The following MRPS22 variants were observed in gnomAD, a reference collection of about 807,000 sequenced individuals.
The protein encoded by MRPS22 is mitochondrial ribosomal protein S22.
Under a neutral mutation model 44.0 loss-of-function variants are expected in MRPS22, and 30 were observed. The ratio of observed to expected loss-of-function variants is 0.68; its 90% CI spans 0.51 to 0.93. MRPS22 has a LOEUF of 0.93. Ranked by LOEUF, MRPS22 falls within the 40% of genes least tolerant of loss-of-function variation. The pLI is 0.00. For synonymous variants in MRPS22, 165 were observed against 154.4 expected (o/e 1.07, Z -0.51); for missense variants, 447 against 447.8 (o/e 1.00, Z 0.02).
At chr3:139,346,218 T>C (rs1286579736) in intron 1 of MRPS22, among the ~76,000 whole-genome samples, 1 of 152,174 alleles carries the variant, frequency 6.6e-6, no homozygotes, top group Non-Finnish European at 1.5e-5. Flanking sequence ...CTCCCTTTTT[T>C]CTCTGCCGTG....
rs1217488014 is a variant in MRPS22, at chr3:139,356,940, C to T, written c.1009C>T (p.Gln337Ter). Residue 337 changes from glutamine (Q) to a stop codon, truncating the protein, a stop_gained, in exon 8 of 8, where the codon CAG becomes TAG. Transcript: ENST00000680020. LOFTEE classifies it high-confidence loss of function. ...LIKVFAKTEA[Q>*]KGAYIELTLQ... Reference sequence around the variant, plus strand: ...ACAGGTCTTTGCAAAAACAGAAGCACAGAAGGGAGCCTATATAGAACTAAC... The same window carrying T: ...ACAGGTCTTTGCAAAAACAGAAGCATAGAAGGGAGCCTATATAGAACTAAC... 4 of 1,612,756 alleles carry T rather than the reference C, an allele frequency of 2.5e-6. No homozygotes were observed. The highest frequency in any genetic ancestry group is 4.5e-5 in the East Asian group (2 of 44,818).
chr3:139,344,660 A>G, intron 1 of MRPS22: 1 of 697,976 alleles, frequency 1.4e-6, no homozygotes, highest in South Asian at 1.5e-5. Context: ...AGCATAGGGG[A>G]CAGTAGCAGA....
At chr3:139,348,401 T>C in intron 3 of MRPS22, 77 bp downstream of exon 3, 1 of 1,463,858 alleles carries the variant, frequency 6.8e-7, no homozygotes, top group African/African-American at 1.4e-5. Context: ...TGATGTGACC[T>C]GGCTGTCTCT....
chr3:139,351,192 A>C (rs1021145709), intron 5 of MRPS22, 132 bp downstream of exon 5: 1 of 710,256 alleles, frequency 1.4e-6, no homozygotes, highest in Non-Finnish European at 2.5e-6. Context: ...AAATCTATTG[A>C]GTACAGTTGT....
At chr3:139,354,389 C>T (rs1192028333) in intron 6 of MRPS22, among the ~76,000 whole-genome samples, 1 of 152,146 alleles carries the variant, frequency 6.6e-6, no homozygotes, top group Non-Finnish European at 1.5e-5. Context: ...CTGAACATAC[C>T]AACAGGTAGC....
intron 3 of MRPS22, 57 bp downstream of exon 3, chr3:139,348,381 G>T: frequency 6.4e-7 from 1 of 1,565,496 alleles, no homozygotes; most frequent in Admixed American, 1.7e-5. Flanking sequence ...GTGGAGAAGG[G>T]CTTGAGAGAT....
Position 139,345,142 on chromosome 3 carries a change from A to G in MRPS22, c.172+944A>G, listed in dbSNP as rs569376308. ...GAGTATAAGACAAGGTCTGGTCTTCATAGAGCACATCACTTAGTGAGAGAC... is the reference window on the plus strand; with the variant it reads ...GAGTATAAGACAAGGTCTGGTCTTCGTAGAGCACATCACTTAGTGAGAGAC... On this transcript the variant is annotated intron_variant, in intron 1 of 7. Coordinates refer to ENST00000680020, the MANE Select transcript of MRPS22 (RefSeq NM_020191.4). Among the ~76,000 whole-genome samples the G allele has an allele frequency of 2.6e-5, 4 of 152,352 alleles. No individual in the cohort carries two copies. The East Asian group carries it at 7.7e-4, about 29-fold the overall frequency.
rs781663953 is a variant in MRPS22, at chr3:139,355,748, AGG to A, written c.948_949del (p.Ala317GlnfsTer6). ...TCCATCCAGATGGCCAGTCGGCTCAAGGGGCCAAGGATCAGGCTGCTGAGGGA... is the reference window on the plus strand; with the variant it reads ...TCCATCCAGATGGCCAGTCGGCTCAAGGCCAAGGATCAGGCTGCTGAGGGA... ...VLHPDGQSAQ[G>X]AKDQAAEGIN... On this transcript the variant is annotated frameshift_variant, in exon 7 of 8. Transcript: ENST00000680020. LOFTEE classifies it high-confidence loss of function. The A allele has an allele frequency of 1.9e-5, 30 of 1,614,048 alleles. No homozygotes were observed. The highest frequency in any genetic ancestry group is 2.1e-5 in the Non-Finnish European group (25 of 1,180,026).
intron 5 of MRPS22, 119 bp from the exon 6 acceptor site, chr3:139,352,528 A>C (rs1458569588): frequency 1.2e-6 from 1 of 839,130 alleles, no homozygotes; most frequent in African/African-American, 1.7e-5. Context: ...TATGGAGGCA[A>C]CTGTAAGTAG....
Position 139,344,069 on chromosome 3 carries a change from A to G in MRPS22, c.43A>G (p.Arg15Gly), listed in dbSNP as rs771077408. ...GTTVLLWSLL[R>G]SSPGVERVCF... is the part of the protein sequence containing the mutation. ...AACTGTATTGCTGTGGAGCCTCTTG[A>G]GGAGTTCTCCGGGCGTGGAACGGGT... Residue 15 changes from arginine (R) to glycine (G), a missense_variant, in exon 1 of 8, where the codon AGG becomes GGG. Coordinates refer to ENST00000680020, the MANE Select transcript of MRPS22 (RefSeq NM_020191.4). 23 of 1,613,968 alleles carry G rather than the reference A, an allele frequency of 1.4e-5. No homozygotes were observed. The highest frequency in any genetic ancestry group is 3.3e-5 in the Admixed American group (2 of 60,000).
At chr3:139,350,774 T>TG (rs1442661350) in intron 4 of MRPS22, 1 of 600,532 alleles carries the variant, frequency 1.7e-6, no homozygotes, top group East Asian at 3.0e-5. Flanking sequence ...CCACCCAAGA[T>TG]GGGTTGTACT....
intron 2 of MRPS22, 65 bp downstream of exon 2, chr3:139,347,109 G>T: frequency 1.9e-6 from 3 of 1,553,490 alleles, no homozygotes; most frequent in Non-Finnish European, 2.7e-6. Context: ...ATTTCTAGAG[G>T]CCCCTCCAGA....
intron 7 of MRPS22, among the ~76,000 whole-genome samples, 185 bp downstream of exon 7, chr3:139,355,975 G>C (rs1216216653): frequency 6.6e-6 from 1 of 152,164 alleles, no homozygotes; most frequent in Non-Finnish European, 1.5e-5. Context: ...GACAGGGGAG[G>C]GGGGTAAAGT....
At chr3:139,353,827 G>A (rs996710986) in intron 6 of MRPS22, among the ~76,000 whole-genome samples, 3 of 152,154 alleles carry the variant, frequency 2.0e-5, no homozygotes, top group Admixed American at 2.0e-4. Flanking sequence ...TTGTCTTTAT[G>A]TACGTTATCT....
At chr3:139,354,639 T>C (rs1941210887) in intron 6 of MRPS22, among the ~76,000 whole-genome samples, 1 of 152,106 alleles carries the variant, frequency 6.6e-6, no homozygotes, top group Admixed American at 6.5e-5. Context: ...CCCAGAGCAT[T>C]TCTCTAAGGC....
chr3:139,357,092 T>G lies in MRPS22; in HGVS notation c.*78T>G, dbSNP rs1039665874. On this transcript the variant is annotated 3_prime_UTR_variant, in exon 8 of 8. Transcript: ENST00000680020. ...TAATATTGAGCTAAATGTTAAAAAA[T>G]GGCCAGATTAAAAGATATCAATTTG... 1 of 1,257,468 alleles carries G rather than the reference T, an allele frequency of 8.0e-7. No individual in the cohort carries two copies. The highest frequency in any genetic ancestry group is 1.9e-5 in the Admixed American group (1 of 51,694). The allele number at this position is 1,257,468 out of a possible 1,614,324, so 77.9% of individuals were successfully genotyped here.
chr3:139,352,567 CATGCTAAT>C, intron 5 of MRPS22, 72 bp from the exon 6 acceptor site: 2 of 1,296,444 alleles, frequency 1.5e-6, no homozygotes, highest in Non-Finnish European at 2.2e-6. Flanking sequence ...GGGCAGCACT[CATGCTAAT>C]CAGTGTACGT....
At chr3:139,354,748 A>G (rs1045887808) in intron 6 of MRPS22, among the ~76,000 whole-genome samples, 7 of 152,162 alleles carry the variant, frequency 4.6e-5, no homozygotes, top group Non-Finnish European at 2.9e-5. Flanking sequence ...GAAGAGTGCT[A>G]GCTGCGGAAG....
intron 3 of MRPS22, 41 bp downstream of exon 3, chr3:139,348,365 T>C: frequency 6.3e-7 from 1 of 1,597,966 alleles, no homozygotes; most frequent in Non-Finnish European, 8.6e-7. Flanking sequence ...TTCTTTGAAA[T>C]ACTATGTGGA....
Sources: gnomAD v4.1 joint callset for allele counts (sites outside exome capture counted in the v4.1 genomes callset) on GRCh38, gnomAD v4.1.1 for gene constraint, MANE v1.5 for transcripts, NCBI Gene and HGNC (gene_info 2026-07-23, HGNC 2026-07-21) for gene names.